FANCC: variants seen among roughly 807,000 people sequenced by gnomAD.
The protein encoded by FANCC is Fanconi anemia group C protein.
A neutral mutation model predicts 71.3 loss-of-function variants in FANCC; 55 were observed. The ratio of observed to expected loss-of-function variants is 0.77; its 90% CI spans 0.62 to 0.97. The LOEUF (loss-of-function observed/expected upper bound fraction) is 0.97. FANCC is among the 50% of genes least tolerant of loss of function. FANCC has a pLI of 0.00. For missense variants in FANCC, 678 were observed against 670.9 expected (o/e 1.01, Z -0.12); for synonymous variants, 275 against 244.9 (o/e 1.12, Z -1.15).
intron 4 of FANCC, among the ~76,000 whole-genome samples, chr9:95,180,708 A>G (rs924322220): frequency 3.1e-4 from 47 of 151,960 alleles, no homozygotes; most frequent in African/African-American, 1.1e-3. Context: ...AAGTACATAA[A>G]CCAATAACAC....
chr9:95,191,049 T>C (rs1249518532), intron 4 of FANCC, among the ~76,000 whole-genome samples: 6 of 152,156 alleles, frequency 3.9e-5, no homozygotes, highest in African/African-American at 1.4e-4. Flanking sequence ...TCTTCTGTCA[T>C]GAAGGGCTGG....
chr9:95,297,638 T>C (rs769008183), intron 1 of FANCC, among the ~76,000 whole-genome samples: 1 of 152,214 alleles, frequency 6.6e-6, no homozygotes, highest in Non-Finnish European at 1.5e-5. Context: ...TACTTTGTAA[T>C]AAAAACATTA....
intron 3 of FANCC, among the ~76,000 whole-genome samples, chr9:95,241,647 A>G (rs555370521): frequency 3.9e-5 from 6 of 152,216 alleles, no homozygotes; most frequent in African/African-American, 1.4e-4. Flanking sequence ...ATCTTCTGCA[A>G]TCTAATAAAC....
chr9:95,256,169 T>A (rs145881896), intron 1 of FANCC, among the ~76,000 whole-genome samples: 3 of 152,116 alleles, frequency 2.0e-5, no homozygotes, highest in Non-Finnish European at 4.4e-5. Context: ...AGGCCAACAT[T>A]CAAATTCAGG....
At chr9:95,126,900 A>C in intron 8 of FANCC, 1 of 346,406 alleles carries the variant, frequency 2.9e-6, no homozygotes. Context: ...CTCTGCCCGC[A>C]TGCCGTGGAG....
chr9:95,117,509 C>A, intron 10 of FANCC, 119 bp from the exon 11 acceptor site: 1 of 749,552 alleles, frequency 1.3e-6, no homozygotes, highest in South Asian at 1.5e-5. Flanking sequence ...ATGGTCAGAA[C>A]ACTTTCTTAA....
chr9:95,214,716 C>T (rs1307886412), intron 4 of FANCC, among the ~76,000 whole-genome samples: 2 of 152,096 alleles, frequency 1.3e-5, no homozygotes, highest in Non-Finnish European at 2.9e-5. Context: ...CATGGATGAA[C>T]CTTGATGGCA....
At chr9:95,175,704 C>T (rs75965882) in intron 4 of FANCC, among the ~76,000 whole-genome samples, 1,724 of 152,314 alleles carry the variant, frequency 0.011, 31 homozygotes, top group African/African-American at 0.039. Flanking sequence ...ACTGAACTTG[C>T]GAAGGCGGAG....
intron 1 of FANCC, chr9:95,294,096 A>G: frequency 1.2e-6 from 2 of 1,610,864 alleles, no homozygotes; most frequent in South Asian, 1.1e-5. Context: ...ATCAGACCCA[A>G]ACCATAGATT....
intron 4 of FANCC, among the ~76,000 whole-genome samples, chr9:95,185,619 T>C (rs1826662071): frequency 6.6e-6 from 1 of 152,198 alleles, no homozygotes; most frequent in Non-Finnish European, 1.5e-5. Context: ...TCACTCTTAT[T>C]AGGGCACGAC....
chr9:95,238,161 T>C (rs1830428413), intron 4 of FANCC, among the ~76,000 whole-genome samples: 1 of 152,068 alleles, frequency 6.6e-6, no homozygotes, highest in Admixed American at 6.6e-5. Context: ...TCCCCAAGGC[T>C]CTCTCTAGTT....
intron 10 of FANCC, among the ~76,000 whole-genome samples, chr9:95,122,308 C>T (rs911876809): frequency 2.6e-5 from 4 of 152,104 alleles, no homozygotes; most frequent in African/African-American, 9.7e-5. Flanking sequence ...AAAAGAGGGT[C>T]ACGCATCTAC....
At chr9:95,220,936 T>A (rs1481917633) in intron 4 of FANCC, among the ~76,000 whole-genome samples, 1 of 151,844 alleles carries the variant, frequency 6.6e-6, no homozygotes, top group Non-Finnish European at 1.5e-5. Flanking sequence ...CAAAGACTTT[T>A]AAAAAACTGT....
chr9:95,112,434 G>C (rs559178837), intron 12 of FANCC, among the ~76,000 whole-genome samples: 1 of 152,122 alleles, frequency 6.6e-6, no homozygotes, highest in African/African-American at 2.4e-5. Flanking sequence ...CACTGTCCTC[G>C]CCTCCCTGGA....
At chr9:95,243,671 G>A (rs1332916522) in intron 3 of FANCC, among the ~76,000 whole-genome samples, 1 of 151,846 alleles carries the variant, frequency 6.6e-6, no homozygotes, top group Non-Finnish European at 1.5e-5. Flanking sequence ...GCGGGCGCCT[G>A]TAGTCCCAGC....
rs2071053285 is a variant in FANCC at position 95,100,981 on chromosome 9, A to T, written c.*726T>A. On this transcript the variant is annotated 3_prime_UTR_variant, in exon 15 of 15. Coordinates refer to ENST00000289081, the MANE Select transcript of FANCC (RefSeq NM_000136.3). ...AATTCCCATTTCCATTTAACAAGAG[A>T]ACTAACTAACTGAATTAATCCTGCC... The T allele has an allele frequency of 4.6e-6, 1 of 218,798 alleles. No homozygotes were observed. The highest frequency in any genetic ancestry group is 8.5e-6 in the Non-Finnish European group (1 of 117,954). The allele number at this position is 218,798 out of a possible 1,614,324, so 13.6% of individuals were successfully genotyped here.
intron 1 of FANCC, among the ~76,000 whole-genome samples, chr9:95,250,009 A>ATT (rs1244825605): frequency 6.6e-6 from 1 of 152,230 alleles, no homozygotes; most frequent in Non-Finnish European, 1.5e-5. Flanking sequence ...ATAATAATAA[A>ATT]TTCCACTTAC....
At chr9:95,285,223 T>C (rs1833620993) in intron 1 of FANCC, among the ~76,000 whole-genome samples, 1 of 152,012 alleles carries the variant, frequency 6.6e-6, no homozygotes. Flanking sequence ...AATATAACTA[T>C]GATGGAATAA....
intron 6 of FANCC, among the ~76,000 whole-genome samples, chr9:95,168,221 A>G (rs1181730658): frequency 1.3e-5 from 2 of 152,178 alleles, no homozygotes; most frequent in South Asian, 4.1e-4. Context: ...GTCAGGCAAG[A>G]CAGATACCAG....
Sources: allele counts gnomAD v4.1 joint callset (sites outside exome capture counted in the v4.1 genomes callset), GRCh38; gene constraint gnomAD v4.1.1; transcripts MANE v1.5; gene names NCBI Gene and HGNC (gene_info 2026-07-23, HGNC 2026-07-21).